Variants in C16orf90 observed in about 807,000 individuals in gnomAD.
C16orf90 encodes the protein chromosome 16 open reading frame 90.
A neutral mutation model predicts 17.1 loss-of-function variants in C16orf90; 17 were observed. The ratio of observed to expected loss-of-function variants is 1.00; its 90% confidence interval spans 0.68 to 1.49. The LOEUF (loss-of-function observed/expected upper bound fraction) is 1.49. Among genes scored for constraint, C16orf90 ranks in the 40% most tolerant of loss-of-function variants. C16orf90 has a pLI of 0.00. For synonymous variants in C16orf90, 108 were observed against 95.8 expected (o/e 1.13, Z -0.75); for missense variants, 255 against 235.5 (o/e 1.08, Z -0.54).
At chr16:3,496,500 A>C, upstream of C16orf90, 1 of 638,100 alleles carries the variant, frequency 1.6e-6, no homozygotes, top group Non-Finnish European at 2.9e-6. Flanking sequence ...GCCCAAACTT[A>C]AGGTGTGTGC....
Position 3,494,659 on chromosome 16 carries a change from C to G in C16orf90, c.265G>C (p.Ala89Pro), listed in dbSNP as rs200882648. 194 of 1,611,260 alleles carry G rather than the reference C, an allele frequency of 1.2e-4. 1 individual carries two copies. The Admixed American group carries it at 3.2e-3, about 26-fold the overall frequency. The change falls in exon 2 of 3, where the codon GCT becomes CCT. Residue 89 changes from alanine to proline, a missense_variant. Ala to Pro is a conservative substitution (Grantham distance 27). Transcript: ENST00000437192. ...TCAGGCTGTGGCAGGCAGCCCCCAGCCATAAGCCGGCCCAGCCAGTGGCTC... is the reference window on the plus strand; with the variant it reads ...TCAGGCTGTGGCAGGCAGCCCCCAGGCATAAGCCGGCCCAGCCAGTGGCTC... ...CESHWLGRLM[A>P]GGCLPQPEGT...
chr16:3,494,474 C>T (rs1375001297), intron 2 of C16orf90, 50 bp downstream of exon 2: 2 of 1,514,822 alleles, frequency 1.3e-6, no homozygotes, highest in Non-Finnish European at 9.0e-7. Flanking sequence ...CCAGCCCAAC[C>T]ATCCCCTAGG....
chr16:3,494,788 A>G lies in C16orf90; in HGVS notation c.136T>C (p.Cys46Arg), dbSNP rs996004723. The change falls in exon 2 of 3, where the codon TGC (cysteine) becomes CGC (arginine). Residue 46 changes from cysteine to arginine, a missense_variant. Cys to Arg is a radical substitution (Grantham distance 180). Coordinates refer to ENST00000437192, the MANE Select transcript of C16orf90 (RefSeq NM_001080524.2). ...EGGLGSPQPQ[C>R]PSAQGSKPKN... Reference sequence around the variant, plus strand: ...GGCTTGCTTCCCTGGGCACTGGGGCACTGCGGCTGCGGGGACCCCAGGCCC... The same window carrying G: ...GGCTTGCTTCCCTGGGCACTGGGGCGCTGCGGCTGCGGGGACCCCAGGCCC... The G allele has an allele frequency of 6.3e-7, 1 of 1,590,500 alleles. No homozygotes were observed.
chr16:3,496,247 A>C (rs2037308083), upstream of C16orf90: 1 of 662,094 alleles, frequency 1.5e-6, no homozygotes, highest in Admixed American at 1.8e-5. Flanking sequence ...GTTCGGCGCA[A>C]AGAGCCCAAG....
Position 3,494,684 on chromosome 16 carries a change from C to T in C16orf90, c.240G>A (p.Glu80=), listed in dbSNP as rs1481152269. The T allele has an allele frequency of 3.1e-6, 5 of 1,611,216 alleles. No individual in the cohort carries two copies. In the Admixed American group the frequency reaches 8.4e-5, roughly 27 times the overall value. Residue 80 remains glutamate (E), a synonymous_variant, in exon 2 of 3, where the codon GAG becomes GAA. Transcript: ENST00000437192. ...CCATAAGCCGGCCCAGCCAGTGGCTCTCACACTGGCCAGTGGGTGGCGGGT... is the reference window on the plus strand; with the variant it reads ...CCATAAGCCGGCCCAGCCAGTGGCTTTCACACTGGCCAGTGGGTGGCGGGT... ...ESHPPPTGQC[E]SHWLGRLMAG... is the part of the protein sequence containing the mutation.
upstream of C16orf90, among the ~76,000 whole-genome samples, chr16:3,495,799 C>T (rs190805863): frequency 2.0e-5 from 3 of 151,958 alleles, no homozygotes; most frequent in East Asian, 1.9e-4. Flanking sequence ...AGACCTAGGT[C>T]GGTACTTTGA....
chr16:3,494,725 G>A lies in C16orf90; in HGVS notation c.199C>T (p.Leu67Phe), dbSNP rs2037281531. ...GGTGGCGGGTGGCTCTCCAGGTAGA[G>A]GCCCAGGCCCCGGAGGTGGCGCAGC... ...FRLRHLRGLG[L>F]YLESHPPPTG... Residue 67 changes from leucine (L) to phenylalanine (F), a missense_variant, in exon 2 of 3, where the codon CTC (leucine) becomes TTC (phenylalanine). Physicochemically the swap from Leu to Phe is conservative, Grantham distance 22. Transcript: ENST00000437192. The A allele has an allele frequency of 2.5e-6, 4 of 1,607,542 alleles. No homozygotes were observed. The highest frequency in any genetic ancestry group is 1.7e-6 in the Non-Finnish European group (2 of 1,178,130).
rs199609822 is a variant in C16orf90, at chr16:3,493,944, C to G, written c.444G>C (p.Gln148His). Residue 148 changes from glutamine to histidine, a missense_variant, in exon 3 of 3, where the codon CAG (glutamine) becomes CAC (histidine). Coordinates refer to ENST00000437192, the MANE Select transcript of C16orf90 (RefSeq NM_001080524.2). Reference protein sequence around the residue: ...SMDPDKGALPQPSPSRLRPKR... With the variant: ...SMDPDKGALPHPSPSRLRPKR... ...TGGGCCTGAGCCTAGAAGGACTAGG[C>G]TGGGGGAGGGCACCCTTGTCTGGGT... The G allele has an allele frequency of 1.5e-4, 241 of 1,610,812 alleles. 1 individual carries two copies. In the East Asian group the frequency reaches 5.3e-3, roughly 36 times the overall value.
chr16:3,493,949 GGA>G lies in C16orf90; in HGVS notation c.437_438del (p.Leu146ProfsTer4). ...CTGAGCCTAGAAGGACTAGGCTGGGGGAGGGCACCCTTGTCTGGGTCCATGCT... is the reference window on the plus strand; with the variant it reads ...CTGAGCCTAGAAGGACTAGGCTGGGGGGGCACCCTTGTCTGGGTCCATGCT... ...SSSMDPDKGALPQPSPSRLRP... is the reference protein window; with the variant it reads ...SSSMDPDKGAXPQPSPSRLRP... On this transcript the variant is annotated frameshift_variant, in exon 3 of 3. Transcript: ENST00000437192. LOFTEE classifies it high-confidence loss of function. 6.2e-7 allele frequency: 1 copy of G among 1,610,926 alleles called. No homozygotes were observed. The highest frequency in any genetic ancestry group is 8.5e-7 in the Non-Finnish European group (1 of 1,178,538).
chr16:3,494,242 C>G (rs537321289), intron 2 of C16orf90, among the ~76,000 whole-genome samples: 22 of 152,290 alleles, frequency 1.4e-4, no homozygotes, highest in Non-Finnish European at 2.5e-4. Flanking sequence ...GCAAGGGAGA[C>G]AGATTCCAAG....
rs2037280778 is a variant in C16orf90 at position 3,494,696 on chromosome 16, A to G, written c.228T>C (p.Thr76=). The G allele has an allele frequency of 6.2e-7, 1 of 1,610,336 alleles. No homozygotes were observed. Among genetic ancestry groups the G allele is most frequent in the East Asian group, 2.2e-5 (1 of 44,840 alleles). The change falls in exon 2 of 3, where the codon ACT becomes ACC. Residue 76 remains threonine (T), a synonymous_variant. Transcript: ENST00000437192. ...GLYLESHPPP[T]GQCESHWLGR... ...CCAGCCAGTGGCTCTCACACTGGCC[A>G]GTGGGTGGCGGGTGGCTCTCCAGGT... is the stretch of plus-strand genomic sequence containing the variant.
rs1176814919 is a variant in C16orf90 at position 3,493,789 on chromosome 16, C to T, written c.*50G>A. 16 of 1,536,120 alleles carry T rather than the reference C, an allele frequency of 1.0e-5. No homozygotes were observed. The highest frequency in any genetic ancestry group is 2.4e-5 in the South Asian group (2 of 83,978). On this transcript the variant is annotated 3_prime_UTR_variant, in exon 3 of 3. Coordinates refer to ENST00000437192, the MANE Select transcript of C16orf90 (RefSeq NM_001080524.2). ...GCCGAGCCCCTCCTGCTCAGGCTGC[C>T]TCCTCGGCCATCCTGCCCCTCCTGT...
Position 3,494,597 on chromosome 16 carries a change from A to G in C16orf90, c.327T>C (p.Thr109=), listed in dbSNP as rs2037277974. The change falls in exon 2 of 3, where the codon ACT becomes ACC. Residue 109 remains threonine, a synonymous_variant. Coordinates refer to ENST00000437192, the MANE Select transcript of C16orf90 (RefSeq NM_001080524.2). ...TAWALDLPQG[T]LGPRNSLCSA... ...AACAGAGGCTGTTACGTGGGCCCAG[A>G]GTCCCCTGTGGCAGGTCCAGGGCCC... 7 of 1,612,858 alleles carry G rather than the reference A, an allele frequency of 4.3e-6. No individual in the cohort carries two copies. Among genetic ancestry groups the G allele is most frequent in the East Asian group, 2.2e-5 (1 of 44,874 alleles).
In C16orf90 at chr16:3,494,837, G is replaced by A. The variant is rs748748140; in HGVS notation, c.87C>T (p.Asp29=). ...SQAQGRPGHP[D]APPNIYEGGL... ...CCCCCTCGTAGATGTTGGGGGGTGC[G>A]TCAGGGTGGCCGGGGCGTCCTTGGG... Residue 29 remains aspartate, a synonymous_variant, in exon 2 of 3, where the codon GAC becomes GAT. Transcript: ENST00000437192. 1.2e-5 allele frequency: 19 copies of A among 1,541,270 alleles called. No homozygotes were observed. Among genetic ancestry groups the A allele is most frequent in the South Asian group, 3.7e-5 (3 of 82,132 alleles).
chr16:3,495,045 C>T (rs972111464), intron 1 of C16orf90, among the ~76,000 whole-genome samples, 168 bp from the exon 2 acceptor site: 1 of 152,202 alleles, frequency 6.6e-6, no homozygotes, highest in African/African-American at 2.4e-5. Context: ...GCCTCCCCTG[C>T]CCATGCCCAA....
At chr16:3,494,064 G>C in intron 2 of C16orf90, 77 bp from the exon 3 acceptor site, 1 of 1,305,032 alleles carries the variant, frequency 7.7e-7, no homozygotes, top group South Asian at 1.4e-5. Context: ...GCCCACCCTG[G>C]GGTTTCCAGA....
At chr16:3,496,140 CAA>C (rs74546027), upstream of C16orf90, 880 of 336,070 alleles carry the variant, frequency 2.6e-3, no homozygotes, top group East Asian at 4.5e-3. Flanking sequence ...GACTCCGTCT[CAA>C]AAAAAAAAAA....
rs2037278166 is a variant in C16orf90 at position 3,494,606 on chromosome 16, T to A, written c.318A>T (p.Pro106=). The change falls in exon 2 of 3, where the codon CCA becomes CCT. Residue 106 remains proline (P), a synonymous_variant. Coordinates refer to ENST00000437192, the MANE Select transcript of C16orf90 (RefSeq NM_001080524.2). ...PEGTAWALDL[P]QGTLGPRNSL... is the part of the protein sequence containing the mutation. ...TGTTACGTGGGCCCAGAGTCCCCTGTGGCAGGTCCAGGGCCCAGGCTGTGC... is the reference window on the plus strand; with the variant it reads ...TGTTACGTGGGCCCAGAGTCCCCTGAGGCAGGTCCAGGGCCCAGGCTGTGC... The A allele has an allele frequency of 1.2e-6, 2 of 1,612,648 alleles. No homozygotes were observed. Among genetic ancestry groups the A allele is most frequent in the South Asian group, 2.2e-5 (2 of 91,086 alleles).
chr16:3,495,539 C>T (rs577437412), upstream of C16orf90: 281 of 1,517,860 alleles, frequency 1.9e-4, no homozygotes, highest in Admixed American at 5.3e-4. Context: ...TATGACATCA[C>T]GGGGAAGACT....
Sources: gnomAD v4.1 joint callset for allele counts (sites outside exome capture counted in the v4.1 genomes callset) on GRCh38, gnomAD v4.1.1 for gene constraint, MANE v1.5 for transcripts, NCBI Gene and HGNC (gene_info 2026-07-23, HGNC 2026-07-21) for gene names.